Variants in MEF2A observed in about 807,000 individuals in gnomAD.
MEF2A encodes myocyte enhancer factor 2A.
Under a neutral mutation model 55.8 loss-of-function variants are expected in MEF2A, and 28 were observed. The ratio of observed to expected loss-of-function variants is 0.50; its 90% confidence interval spans 0.37 to 0.69. The LOEUF is 0.69. Ranked by LOEUF, MEF2A falls within the 30% of genes least tolerant of loss-of-function variation. The probability of loss-of-function intolerance (pLI) is 0.00; values close to 1 mark genes in which losing one functional copy is unlikely to be tolerated. For missense variants in MEF2A, 528 were observed against 626.2 expected (o/e 0.84, Z 1.67); for synonymous variants, 239 against 227.1 (o/e 1.05, Z -0.47).
At chr15:99,597,653 C>G (rs1188987946) in intron 1 of MEF2A, among the ~76,000 whole-genome samples, 1 of 152,148 alleles carries the variant, frequency 6.6e-6, no homozygotes, top group African/African-American at 2.4e-5. Context: ...TAAAAACTTG[C>G]TGGTTTTTGT....
At chr15:99,601,837 GTGTGTGTGTGTGTGTGTGTGTC>G (rs987588648) in intron 2 of MEF2A, among the ~76,000 whole-genome samples, 7 of 128,314 alleles carry the variant, frequency 5.5e-5, no homozygotes, top group South Asian at 2.8e-4. Context: ...GTGTGTGTGT[GTGTGTGTGTGTGTGTGTGTGTC>G]AGGGTAATGC....
intron 7 of MEF2A, among the ~76,000 whole-genome samples, chr15:99,681,507 T>C (rs2153679377): frequency 6.6e-6 from 1 of 152,284 alleles, no homozygotes; most frequent in African/African-American, 2.4e-5. Flanking sequence ...AGGTGATAGT[T>C]GAAGTTGTAT....
chr15:99,697,415 A>G (rs1313167309), intron 8 of MEF2A, among the ~76,000 whole-genome samples: 3 of 152,046 alleles, frequency 2.0e-5, no homozygotes, highest in African/African-American at 7.2e-5. Flanking sequence ...GTTAATATAT[A>G]AAAATCGATT....
intron 4 of MEF2A, 103 bp from the exon 5 acceptor site, chr15:99,671,220 G>A: frequency 7.8e-7 from 1 of 1,286,542 alleles, no homozygotes; most frequent in Non-Finnish European, 1.1e-6. Context: ...AGTGGCTCTT[G>A]TATAATTCAG....
intron 4 of MEF2A, among the ~76,000 whole-genome samples, chr15:99,648,913 T>G (rs1236104869): frequency 6.6e-6 from 1 of 152,190 alleles, no homozygotes; most frequent in Non-Finnish European, 1.5e-5. Flanking sequence ...GTAAGATTAA[T>G]ATAATGTATT....
At position 99,690,413 on chromosome 15, in the gene MEF2A, C is replaced by T; in HGVS notation, c.843C>T (p.Gly281=). 1.3e-6 allele frequency: 2 copies of T among 1,598,956 alleles called. No homozygotes were observed. The highest frequency in any genetic ancestry group is 2.2e-5 in the South Asian group (2 of 89,168). The change falls in exon 8 of 12, where the codon GGC becomes GGT. Residue 281 remains glycine (G), a synonymous_variant. Coordinates refer to ENST00000557942, the MANE Select transcript of MEF2A (RefSeq NM_001319206.4). The part of the protein sequence containing the change: ...LRVVIPPSSK[G]MMPPLSEEEE... ...TTGTCATCCCCCCTTCAAGCAAGGG[C>T]ATGATGCCTCCACTAGTAAGTTGAA...
chr15:99,669,223 A>G (rs1450291936), intron 4 of MEF2A, among the ~76,000 whole-genome samples: 1 of 152,206 alleles, frequency 6.6e-6, no homozygotes, highest in Non-Finnish European at 1.5e-5. Flanking sequence ...TAAGAAGAGC[A>G]AGACTAATTA....
rs1231099168 is a variant in MEF2A at position 99,712,163 on chromosome 15, G to T, written c.1137-227G>T. On this transcript the variant is annotated intron_variant, in intron 11 of 11. Coordinates refer to ENST00000557942, the MANE Select transcript of MEF2A (RefSeq NM_001319206.4). This position sits in a 1 kb window ranked among gnomAD's most constrained non-coding sequence, Gnocchi z 4.1. ...AAAAGTACCAACGTTGTGGGTAACAGAACCAAGTAACGTAAGGGCTCAACG... is the reference window on the plus strand; with the variant it reads ...AAAAGTACCAACGTTGTGGGTAACATAACCAAGTAACGTAAGGGCTCAACG... Among the ~76,000 whole-genome samples, 1 of 152,206 alleles carries T rather than the reference G, an allele frequency of 6.6e-6. No individual in the cohort carries two copies. The highest frequency in any genetic ancestry group is 1.5e-5 in the Non-Finnish European group (1 of 68,032).
Position 99,675,385 on chromosome 15 carries a change from C to G in MEF2A, c.611-14C>G, listed in dbSNP as rs770680352. 3 of 1,612,766 alleles carry G rather than the reference C, an allele frequency of 1.9e-6. No homozygotes were observed. The South Asian group carries it at 3.3e-5, about 18-fold the overall frequency. The stretch of plus-strand genomic sequence containing the variant: ...CATTCTCTGCCCTCTGTCTTCTCTC[C>G]GTAACGTTGTTAGGTGGGATGTTGA... On this transcript the variant is annotated splice_polypyrimidine_tract_variant and intron_variant, in intron 6 of 11. Transcript: ENST00000557942.
chr15:99,690,708 A>G lies in MEF2A; in HGVS notation c.858+280A>G, dbSNP rs1042877108. 10 of 521,650 alleles carry G rather than the reference A, an allele frequency of 1.9e-5. No individual in the cohort carries two copies. In the East Asian group the frequency reaches 4.4e-4, roughly 23 times the overall value. 32.3% of individuals were successfully genotyped at this position (521,650 alleles called of 1,614,324 possible). ...TAAGTGAAATAAGCCAGGCATAGAAAGATAGATACTGCAAGGTCTCACTCA... is the reference window on the plus strand; with the variant it reads ...TAAGTGAAATAAGCCAGGCATAGAAGGATAGATACTGCAAGGTCTCACTCA... On this transcript the variant is annotated intron_variant, in intron 8 of 11. Transcript: ENST00000557942.
At chr15:99,642,610 ATTAT>A (rs2045233326) in intron 3 of MEF2A, among the ~76,000 whole-genome samples, 1 of 152,156 alleles carries the variant, frequency 6.6e-6, no homozygotes, top group African/African-American at 2.4e-5. Flanking sequence ...GTTTTTGGCA[ATTAT>A]ATTAAGTATG....
chr15:99,638,395 A>AT (rs2044272814), intron 3 of MEF2A, among the ~76,000 whole-genome samples: 1 of 151,788 alleles, frequency 6.6e-6, no homozygotes, highest in Non-Finnish European at 1.5e-5. Flanking sequence ...CTTGTGTCCC[A>AT]TTTTTTTCCT....
chr15:99,703,453 G>C, intron 9 of MEF2A, 68 bp downstream of exon 9: 1 of 1,495,196 alleles, frequency 6.7e-7, no homozygotes. Context: ...CTTACGTGTT[G>C]TTATCTAACC....
chr15:99,702,425 GTTTC>G (rs1375873155), intron 8 of MEF2A, among the ~76,000 whole-genome samples: 8 of 133,906 alleles, frequency 6.0e-5, no homozygotes, highest in African/African-American at 1.3e-4. Flanking sequence ...GAGCAAAAAT[GTTTC>G]TTTTTTTTTT....
intron 3 of MEF2A, among the ~76,000 whole-genome samples, chr15:99,641,548 C>CG (rs1167731963): frequency 1.3e-5 from 2 of 152,268 alleles, no homozygotes; most frequent in East Asian, 1.9e-4. Flanking sequence ...ACGGTGAAAC[C>CG]TGTCTCTACT....
At chr15:99,586,342 G>A (rs750773590) in intron 1 of MEF2A, among the ~76,000 whole-genome samples, 6 of 152,052 alleles carry the variant, frequency 3.9e-5, no homozygotes, top group Non-Finnish European at 8.8e-5. Context: ...CCAACACTTT[G>A]CATTGTGAGC....
chr15:99,706,127 A>G (rs1002193257), intron 9 of MEF2A, among the ~76,000 whole-genome samples: 3 of 152,230 alleles, frequency 2.0e-5, no homozygotes, highest in African/African-American at 7.2e-5. Context: ...TTGATTCAAA[A>G]TTCTCTACTC....
intron 1 of MEF2A, among the ~76,000 whole-genome samples, chr15:99,588,400 C>T (rs1030528568): frequency 6.6e-6 from 1 of 151,884 alleles, no homozygotes; most frequent in Non-Finnish European, 1.5e-5. Context: ...TTCCTGGGTT[C>T]AAGCAATTCT....
intron 5 of MEF2A, 75 bp downstream of exon 5, chr15:99,671,529 A>G: frequency 6.2e-7 from 1 of 1,613,896 alleles, no homozygotes; most frequent in South Asian, 1.1e-5. Context: ...GGCTCTGAAC[A>G]AGAAGGAACA....
Sources: gnomAD v4.1 joint callset for allele counts (sites outside exome capture counted in the v4.1 genomes callset) on GRCh38, gnomAD v4.1.1 for gene constraint, Gnocchi (gnomAD v3.1) non-coding constraint, MANE v1.5 for transcripts, NCBI Gene and HGNC (gene_info 2026-07-23, HGNC 2026-07-21) for gene names.